Variants in NTNG1 observed in about 807,000 individuals in gnomAD.
The protein encoded by NTNG1 is netrin-G1.
Under a neutral mutation model 54.0 loss-of-function variants are expected in NTNG1, and 16 were observed. The ratio of observed to expected loss-of-function variants is 0.30; its 90% confidence interval spans 0.20 to 0.45. The LOEUF (loss-of-function observed/expected upper bound fraction) is 0.45. Among genes scored for constraint, NTNG1 ranks in the 20% least tolerant of loss-of-function variants. NTNG1 has a pLI of 1.00. For synonymous variants in NTNG1, 255 were observed against 263.1 expected (o/e 0.97, Z 0.30); for missense variants, 530 against 678.7 (o/e 0.78, Z 2.43).
At chr1:107,260,229 A>G (rs1408059840) in intron 2 of NTNG1, among the ~76,000 whole-genome samples, 1 of 152,230 alleles carries the variant, frequency 6.6e-6, no homozygotes, top group African/African-American at 2.4e-5. Flanking sequence ...AGCTTTCCAG[A>G]TATCCTACTT....
At chr1:107,388,960 AG>A (rs61347966) in intron 3 of NTNG1, among the ~76,000 whole-genome samples, 27,320 of 152,196 alleles carry the variant, frequency 0.18, 2,608 homozygotes, top group East Asian at 0.29. Context: ...GCATTTGTAT[AG>A]CTAGTGCCAA....
intron 2 of NTNG1, among the ~76,000 whole-genome samples, chr1:107,259,754 G>A (rs1421804001): frequency 2.6e-5 from 4 of 152,176 alleles, no homozygotes; most frequent in African/African-American, 9.7e-5. Flanking sequence ...TCTCTAGTAT[G>A]TGAGATGTGT....
intron 2 of NTNG1, among the ~76,000 whole-genome samples, chr1:107,281,775 A>G (rs542997262): frequency 6.6e-6 from 1 of 152,288 alleles, no homozygotes; most frequent in African/African-American, 2.4e-5. Flanking sequence ...ATGACAATAT[A>G]AACTTTTACC....
intron 7 of NTNG1, among the ~76,000 whole-genome samples, chr1:107,462,757 CTCTCTATAA>C (rs1677353688): frequency 6.6e-6 from 1 of 152,126 alleles, no homozygotes; most frequent in Non-Finnish European, 1.5e-5. Context: ...TCATTTAGAC[CTCTCTATAA>C]TCAACAGAGT....
chr1:107,400,809 C>T (rs1461516085), intron 4 of NTNG1, among the ~76,000 whole-genome samples: 3 of 152,024 alleles, frequency 2.0e-5, no homozygotes, highest in African/African-American at 4.8e-5. Context: ...CCACCACACC[C>T]AGCTAATTTT....
At position 107,189,418 on chromosome 1, in the gene NTNG1, ACT is replaced by A. The variant is rs377679718; in HGVS notation, c.246+40582_246+40583del. On this transcript the variant is annotated intron_variant, in intron 2 of 7. Transcript: ENST00000370068. ...GAAGTTTTGGGACAAAATGTAAGTAACTCTTAGTTTTTTTTAAAGGAAAATAA... is the reference window on the plus strand; with the variant it reads ...GAAGTTTTGGGACAAAATGTAAGTAACTTAGTTTTTTTTAAAGGAAAATAA... Among the ~76,000 whole-genome samples the A allele has an allele frequency of 2.6e-3, 393 of 151,390 alleles. 1 individual carries two copies. The highest frequency in any genetic ancestry group is 9.2e-3 in the African/African-American group (380 of 41,244).
At chr1:107,349,416 G>T (rs1669461503) in intron 3 of NTNG1, among the ~76,000 whole-genome samples, 1 of 151,914 alleles carries the variant, frequency 6.6e-6, no homozygotes, top group Non-Finnish European at 1.5e-5. Flanking sequence ...AACATACAAA[G>T]AATGTATGTA....
chr1:107,323,560 C>T (rs189871999), intron 2 of NTNG1, among the ~76,000 whole-genome samples: 73 of 152,204 alleles, frequency 4.8e-4, no homozygotes, highest in Admixed American at 1.3e-3. Flanking sequence ...CTGAGTAGTA[C>T]GTTTTCTTGT....
At position 107,481,117 on chromosome 1, in the gene NTNG1, G is replaced by A. The variant is rs1343611260; in HGVS notation, c.*277G>A. 6.8e-6 allele frequency: 3 copies of A among 443,364 alleles called. No homozygotes were observed. The highest frequency in any genetic ancestry group is 1.2e-5 in the Non-Finnish European group (3 of 249,078). The allele number at this position is 443,364 out of a possible 1,614,324, so 27.5% of individuals were successfully genotyped here. A position where few individuals can be genotyped will look rare whatever the true frequency, so the allele number is the denominator to read the frequency against. On this transcript the variant is annotated 3_prime_UTR_variant, in exon 8 of 8. Coordinates refer to ENST00000370068, the MANE Select transcript of NTNG1 (RefSeq NM_001113226.3). ...GCAGAGCATATTGTGGATTGGAAAG[G>A]CTGCGACAGCCCCCCAAACAGGAAA...
At chr1:107,304,633 A>T (rs748663429) in intron 2 of NTNG1, among the ~76,000 whole-genome samples, 21 of 152,134 alleles carry the variant, frequency 1.4e-4, no homozygotes, top group Non-Finnish European at 2.5e-4. Context: ...TCCAGTTGAT[A>T]TTAATTTTCA....
chr1:107,283,081 G>C (rs767515509), intron 2 of NTNG1, among the ~76,000 whole-genome samples: 1 of 152,030 alleles, frequency 6.6e-6, no homozygotes, highest in African/African-American at 2.4e-5. Context: ...CATTTTGGTG[G>C]TTAGGTTTCA....
chr1:107,171,303 T>C (rs940642027), intron 2 of NTNG1, among the ~76,000 whole-genome samples: 6 of 152,128 alleles, frequency 3.9e-5, no homozygotes, highest in Admixed American at 1.3e-4. Context: ...TGTGTGTATA[T>C]ATATATTTAT....
chr1:107,480,532 G>T (rs1571057515), intron 7 of NTNG1, 79 bp from the exon 8 acceptor site: 1 of 832,574 alleles, frequency 1.2e-6, no homozygotes, highest in East Asian at 2.7e-5. Context: ...CTGAAAACAT[G>T]ATGTACCAGA....
At chr1:107,171,641 A>G (rs1025124397) in intron 2 of NTNG1, among the ~76,000 whole-genome samples, 1 of 152,152 alleles carries the variant, frequency 6.6e-6, no homozygotes, top group African/African-American at 2.4e-5. Flanking sequence ...TCTGTACTGC[A>G]GTCGTCCTCA....
At chr1:107,190,543 A>G (rs1298506835) in intron 2 of NTNG1, among the ~76,000 whole-genome samples, 1 of 152,090 alleles carries the variant, frequency 6.6e-6, no homozygotes, top group Non-Finnish European at 1.5e-5. Flanking sequence ...CGTCATTTAC[A>G]TTAGGTATAT....
intron 2 of NTNG1, among the ~76,000 whole-genome samples, chr1:107,227,594 T>C (rs553568354): frequency 1.4e-4 from 21 of 152,246 alleles, no homozygotes; most frequent in African/African-American, 4.8e-4. Flanking sequence ...ATGTCTGATG[T>C]TTGAATCCTA....
At chr1:107,405,244 G>A (rs1012374772) in intron 4 of NTNG1, among the ~76,000 whole-genome samples, 1 of 152,064 alleles carries the variant, frequency 6.6e-6, no homozygotes, top group African/African-American at 2.4e-5. Flanking sequence ...TATAGTAGTG[G>A]ACATCCCTTG....
At chr1:107,186,440 C>T (rs887558741) in intron 2 of NTNG1, among the ~76,000 whole-genome samples, 7 of 152,166 alleles carry the variant, frequency 4.6e-5, no homozygotes, top group Non-Finnish European at 1.0e-4. Context: ...TCTGATTACA[C>T]TTAGCGTAAA....
Position 107,262,173 on chromosome 1 carries a change from T to C in NTNG1, c.247-62109T>C, listed in dbSNP as rs1012991338. Among the ~76,000 whole-genome samples, 13 of 152,352 alleles carry C rather than the reference T, an allele frequency of 8.5e-5. 1 individual carries two copies. Among genetic ancestry groups the C allele is most frequent in the African/African-American group, 2.9e-4 (12 of 41,592 alleles). On this transcript the variant is annotated intron_variant, in intron 2 of 7. Coordinates refer to ENST00000370068, the MANE Select transcript of NTNG1 (RefSeq NM_001113226.3). ...AAAGTCTTTTACATTAAAAGTCTTATAAAGGTATTTTTCAAAGCCGTTACA... is the reference window on the plus strand; with the variant it reads ...AAAGTCTTTTACATTAAAAGTCTTACAAAGGTATTTTTCAAAGCCGTTACA...
Sources: allele counts gnomAD v4.1 joint callset (sites outside exome capture counted in the v4.1 genomes callset), GRCh38; gene constraint gnomAD v4.1.1; transcripts MANE v1.5; gene names NCBI Gene and HGNC (gene_info 2026-07-23, HGNC 2026-07-21).